ITFG2: variants seen among roughly 807,000 people sequenced by gnomAD.
ITFG2 encodes KICSTOR complex protein ITFG2.
In ITFG2, 36 loss-of-function variants were observed where a neutral mutation model predicts 54.4. That is an observed-to-expected ratio of 0.66 (90% CI 0.51 to 0.87). The LOEUF is 0.87. Among genes scored for constraint, ITFG2 ranks in the 40% least tolerant of loss-of-function variants. ITFG2 has a pLI of 0.00. For synonymous variants in ITFG2, 211 were observed against 225.4 expected (o/e 0.94, Z 0.57); for missense variants, 524 against 576.7 (o/e 0.91, Z 0.94).
chr12:2,853,340 T>C (rs2098076959), intron 2 of ITFG2, among the ~76,000 whole-genome samples: 1 of 152,068 alleles, frequency 6.6e-6, no homozygotes, highest in South Asian at 2.1e-4. Context: ...CAGTGGCGTG[T>C]TGGCTCACTG....
chr12:2,820,014 G>C, intron 4 of ITFG2, 72 bp from the exon 5 acceptor site: 2 of 1,533,588 alleles, frequency 1.3e-6, no homozygotes, highest in Middle Eastern at 1.8e-4. Flanking sequence ...TGGCTGGAAG[G>C]TGCCACTGTT....
chr12:2,813,074 T>C (rs1322490488), intron 1 of ITFG2, among the ~76,000 whole-genome samples: 1 of 152,248 alleles, frequency 6.6e-6, no homozygotes, highest in Non-Finnish European at 1.5e-5. Context: ...GCTCCGTCTG[T>C]CACCCAGGCT....
chr12:2,857,551 C>T (rs1263972319), intron 2 of ITFG2: 1 of 156,884 alleles, frequency 6.4e-6, no homozygotes, highest in Non-Finnish European at 1.4e-5. Flanking sequence ...GCAAGTGCTC[C>T]AACTGCTGCT....
upstream of ITFG2, among the ~76,000 whole-genome samples, chr12:2,832,583 T>TC (rs1432837197): frequency 6.6e-6 from 1 of 151,880 alleles, no homozygotes; most frequent in Non-Finnish European, 1.5e-5. Flanking sequence ...CTCTCTGAGT[T>TC]CTTCATGCTC....
chr12:2,822,803 C>T lies in ITFG2; in HGVS notation c.958C>T (p.His320Tyr). The T allele has an allele frequency of 6.2e-7, 1 of 1,613,866 alleles. No homozygotes were observed. Among genetic ancestry groups the T allele is most frequent in the Non-Finnish European group, 8.5e-7 (1 of 1,179,774 alleles). Residue 320 changes from histidine (H) to tyrosine (Y), a missense_variant, in exon 10 of 12, where the codon CAT (histidine) becomes TAT (tyrosine). His to Tyr is a moderately conservative substitution (Grantham distance 83). Transcript: ENST00000228799. ...LEKLDVTGNGHEEVVACAWDG... is the reference protein window; with the variant it reads ...LEKLDVTGNGYEEVVACAWDG... ...CTCTGTCCTTTTTCAGGGCAACGGG[C>T]ATGAGGAGGTAGTTGCATGCGCCTG...
chr12:2,843,022 A>G (rs1003209472), intron 2 of ITFG2, among the ~76,000 whole-genome samples: 5 of 152,182 alleles, frequency 3.3e-5, no homozygotes, highest in African/African-American at 1.2e-4. Flanking sequence ...AAGGCTGAAT[A>G]GTGCCAATTC....
chr12:2,849,328 A>T (rs187689396), intron 2 of ITFG2: 4 of 1,536,110 alleles, frequency 2.6e-6, no homozygotes, highest in Non-Finnish European at 1.7e-6. Context: ...TCTGTCCTTT[A>T]TCAGGGTTTG....
chr12:2,820,945 A>G, intron 6 of ITFG2, 73 bp downstream of exon 6: 1 of 1,515,530 alleles, frequency 6.6e-7, no homozygotes, highest in South Asian at 1.2e-5. Flanking sequence ...GCCACATGGT[A>G]GTAAAATGGG....
Position 2,837,775 on chromosome 12 carries a change from G to A in ITFG2, n.146+819G>A, listed in dbSNP as rs2153926830. Among the ~76,000 whole-genome samples the A allele has an allele frequency of 1.3e-5, 2 of 152,332 alleles. 1 individual carries two copies. On this transcript the variant is annotated intron_variant and non_coding_transcript_variant, in intron 1 of 3. Coordinates refer to the ITFG2 transcript ENST00000537710. ...GTCCAGAAATTCGAGGCTGCAGTGA[G>A]CTATGATGGCACCACTGAACTCCAA...
upstream of ITFG2, among the ~76,000 whole-genome samples, chr12:2,834,478 C>A (rs770511183): frequency 2.0e-5 from 3 of 152,172 alleles, no homozygotes; most frequent in Non-Finnish European, 2.9e-5. Flanking sequence ...GGAACATCCC[C>A]GGTGAAGAGC....
intron 2 of ITFG2, chr12:2,855,522 C>T: frequency 2.6e-6 from 3 of 1,175,716 alleles, no homozygotes; most frequent in Non-Finnish European, 3.4e-6. Flanking sequence ...GCACTCCGCT[C>T]TCCTTCCCAG....
chr12:2,819,754 G>T, intron 4 of ITFG2: 1 of 202,270 alleles, frequency 4.9e-6, no homozygotes. Context: ...GGTAACATTT[G>T]GTGAAAAAAA....
intron 1 of ITFG2, among the ~76,000 whole-genome samples, chr12:2,816,867 C>T (rs1343037499): frequency 7.4e-6 from 1 of 134,878 alleles, no homozygotes; most frequent in East Asian, 2.4e-4. Flanking sequence ...GTCTCGAATT[C>T]CTGAGCTCAA....
intron 2 of ITFG2, chr12:2,857,216 A>G (rs910656862): frequency 1.8e-5 from 11 of 605,908 alleles, no homozygotes; most frequent in African/African-American, 3.7e-5. Context: ...GGCAGGGGAT[A>G]GCACTTTCTT....
rs1257456600 is a variant in ITFG2 at position 2,845,195 on chromosome 12, AGC to A, written n.300+4202_300+4203del. ...ACAAGGGGCTCCCAGCAAGTGAGGC[AGC>A]GATGAGTTGGAATGAAGGCTGGAGG... On this transcript the variant is annotated intron_variant and non_coding_transcript_variant, in intron 2 of 3. Transcript: ENST00000537710. This position sits in a 1 kb window ranked among gnomAD's most constrained non-coding sequence, Gnocchi z 4.2. Among the ~76,000 whole-genome samples the A allele has an allele frequency of 5.9e-5, 9 of 152,212 alleles. No individual in the cohort carries two copies. Among genetic ancestry groups the A allele is most frequent in the Non-Finnish European group, 1.3e-4 (9 of 68,036 alleles).
chr12:2,816,241 G>A (rs924359189), intron 1 of ITFG2, among the ~76,000 whole-genome samples: 1 of 151,710 alleles, frequency 6.6e-6, no homozygotes, highest in African/African-American at 2.4e-5. Context: ...ATGTTGGCCA[G>A]GCTGGTCTCG....
chr12:2,823,747 A>G (rs755539010), intron 10 of ITFG2, 23 bp from the exon 11 acceptor site: 106 of 1,523,240 alleles, frequency 7.0e-5, no homozygotes, highest in Non-Finnish European at 8.5e-5. Flanking sequence ...CCTGACCTTT[A>G]TCTCCCTGCC....
intron 3 of ITFG2, chr12:2,858,737 G>A: frequency 6.2e-7 from 1 of 1,614,218 alleles, no homozygotes; most frequent in Non-Finnish European, 8.5e-7. Context: ...GGATCTTGCT[G>A]AGGCTGTCAT....
exon 3 of ITFG2, chr12:2,830,882 G>A: frequency 1.9e-6 from 3 of 1,608,680 alleles, no homozygotes; most frequent in Non-Finnish European, 2.5e-6. Flanking sequence ...ACAAAACAAT[G>A]AAGGTAGGCA....
Sources: gnomAD v4.1 joint callset for allele counts (sites outside exome capture counted in the v4.1 genomes callset) on GRCh38, gnomAD v4.1.1 for gene constraint, Gnocchi (gnomAD v3.1) non-coding constraint, MANE v1.5 for transcripts, NCBI Gene and HGNC (gene_info 2026-07-23, HGNC 2026-07-21) for gene names.